The following URM1 variants were observed in gnomAD, a reference collection of about 807,000 sequenced individuals.
URM1 encodes the protein ubiquitin-related modifier 1.
In URM1, 11 loss-of-function variants were observed where a neutral mutation model predicts 17.7. That is an observed-to-expected ratio of 0.62 (90% CI 0.39 to 1.03). The LOEUF is 1.03. URM1 is among the 50% of genes least tolerant of loss of function. URM1 has a pLI of 0.00. For synonymous variants in URM1, 48 were observed against 50.6 expected, an observed-to-expected ratio of 0.95 and a Z score of 0.22; for missense variants, 128 against 129.2, an observed-to-expected ratio of 0.99 and a Z score of 0.04.
At chr9:128,381,071 G>A (rs998600935) in intron 2 of URM1, among the ~76,000 whole-genome samples, 1 of 151,956 alleles carries the variant, frequency 6.6e-6, no homozygotes, top group African/African-American at 2.4e-5. Flanking sequence ...TGATCCGCCC[G>A]CCTCGGCCTC....
chr9:128,389,595 T>C, intron 4 of URM1, 71 bp from the exon 5 acceptor site: 1 of 1,603,364 alleles, frequency 6.2e-7, no homozygotes, highest in Non-Finnish European at 8.5e-7. Context: ...CAGCCCCTGT[T>C]CTCCCAACTC....
At chr9:128,389,353 C>T (rs1405536532) in intron 4 of URM1, 44 bp downstream of exon 4, 2 of 1,613,960 alleles carry the variant, frequency 1.2e-6, no homozygotes, top group South Asian at 2.2e-5. Context: ...CCTGCCCTTG[C>T]TGCTTCAGTG....
chr9:128,386,801 C>T (rs922935527), intron 2 of URM1, among the ~76,000 whole-genome samples: 2 of 152,370 alleles, frequency 1.3e-5, no homozygotes, highest in Middle Eastern at 3.4e-3. Flanking sequence ...TCCAGGACAG[C>T]AGACCCCTCT....
At chr9:128,389,142 C>G in intron 3 of URM1, 119 bp from the exon 4 acceptor site, 2 of 1,489,774 alleles carry the variant, frequency 1.3e-6, no homozygotes, top group Non-Finnish European at 1.8e-6. Flanking sequence ...TTTAGCCAGA[C>G]CCCAGGAGGA....
At chr9:128,371,697 C>T (rs1833014732) in intron 1 of URM1, among the ~76,000 whole-genome samples, 1 of 152,154 alleles carries the variant, frequency 6.6e-6, no homozygotes, top group Non-Finnish European at 1.5e-5. Context: ...TAGCAGGCAG[C>T]CTCTCTCTCT....
chr9:128,374,766 A>G (rs1399313607), intron 1 of URM1, among the ~76,000 whole-genome samples: 3 of 152,334 alleles, frequency 2.0e-5, no homozygotes, highest in Admixed American at 6.5e-5. Context: ...AGGCCTTTTC[A>G]GTTAAGATCC....
intron 4 of URM1, 74 bp from the exon 5 acceptor site, chr9:128,389,590 CCT>C: frequency 6.2e-7 from 1 of 1,600,112 alleles, no homozygotes; most frequent in Admixed American, 1.7e-5. Flanking sequence ...GTCCTCAGCC[CCT>C]GTTCTCCCAA....
intron 1 of URM1, among the ~76,000 whole-genome samples, chr9:128,374,752 G>A (rs1226219021): frequency 1.3e-5 from 2 of 152,218 alleles, no homozygotes; most frequent in Non-Finnish European, 2.9e-5. Flanking sequence ...TCAAAAGTCT[G>A]GTGAGGCCTT....
intron 2 of URM1, among the ~76,000 whole-genome samples, chr9:128,379,081 G>A (rs1833121553): frequency 1.3e-5 from 2 of 152,180 alleles, no homozygotes; most frequent in Admixed American, 1.3e-4. Flanking sequence ...AAGGGCTCAG[G>A]GATGGGATTC....
rs138538207 is a variant in URM1 at position 128,372,627 on chromosome 9, A to G, written c.35+1212A>G. Reference sequence around the variant, plus strand: ...GATATTGTCTGGCTGCTTGGATCCAATTAGAACTGTATTGGTCTGGACTCC... The same window carrying G: ...GATATTGTCTGGCTGCTTGGATCCAGTTAGAACTGTATTGGTCTGGACTCC... On this transcript the variant is annotated intron_variant, in intron 1 of 4. Transcript: ENST00000372853. 7.9e-5 allele frequency among the ~76,000 whole-genome samples: 12 copies of G among 152,270 alleles called. No homozygotes were observed. In the East Asian group the frequency reaches 1.7e-3, roughly 22 times the overall value.
chr9:128,388,457 C>T (rs10987973), intron 3 of URM1: 1 of 985,968 alleles, frequency 1.0e-6, no homozygotes, highest in Non-Finnish European at 1.2e-6. Context: ...CCAGTTGCCA[C>T]GAAGTTACTT....
chr9:128,376,183 G>T (rs1362837510), intron 1 of URM1, among the ~76,000 whole-genome samples: 1 of 151,782 alleles, frequency 6.6e-6, no homozygotes, highest in Non-Finnish European at 1.5e-5. Context: ...GACATAGGGA[G>T]ACCCTGTCTC....
chr9:128,373,701 C>T (rs1833040958), intron 1 of URM1, among the ~76,000 whole-genome samples: 1 of 152,150 alleles, frequency 6.6e-6, no homozygotes, highest in African/African-American at 2.4e-5. Flanking sequence ...ATGGAGTTCT[C>T]TCCGTCCCAC....
chr9:128,371,745 T>C (rs562821272), intron 1 of URM1, among the ~76,000 whole-genome samples: 2 of 152,352 alleles, frequency 1.3e-5, no homozygotes, highest in South Asian at 4.1e-4. Flanking sequence ...CCCATCTGTT[T>C]GGCATCTGAG....
intron 2 of URM1, among the ~76,000 whole-genome samples, chr9:128,380,401 G>A (rs1390090199): frequency 6.6e-6 from 1 of 152,086 alleles, no homozygotes; most frequent in African/African-American, 2.4e-5. Context: ...GGGGTTTCAT[G>A]TCAGGATTGT....
chr9:128,389,545 T>A, intron 4 of URM1, 121 bp from the exon 5 acceptor site: 5 of 1,550,550 alleles, frequency 3.2e-6, no homozygotes, highest in Non-Finnish European at 4.4e-6. Flanking sequence ...GGATACCCAT[T>A]TTTCTGGTAG....
intron 2 of URM1, among the ~76,000 whole-genome samples, chr9:128,382,977 C>G (rs1039658919): frequency 2.0e-5 from 3 of 152,174 alleles, no homozygotes; most frequent in Non-Finnish European, 4.4e-5. Flanking sequence ...CCTTTCCCTG[C>G]CTGTCTTCCC....
At chr9:128,385,239 C>G (rs1833211342) in intron 2 of URM1, among the ~76,000 whole-genome samples, 1 of 152,156 alleles carries the variant, frequency 6.6e-6, no homozygotes, top group Admixed American at 6.5e-5. Context: ...CTCCCCACCC[C>G]ACTCATCCTT....
intron 1 of URM1, among the ~76,000 whole-genome samples, chr9:128,373,922 G>A (rs1161606420): frequency 1.3e-5 from 2 of 152,210 alleles, no homozygotes; most frequent in Non-Finnish European, 2.9e-5. Flanking sequence ...ACGTGTATAT[G>A]TATGTGTATA....
Sources: gnomAD v4.1 joint callset for allele counts (sites outside exome capture counted in the v4.1 genomes callset) on GRCh38, gnomAD v4.1.1 for gene constraint, MANE v1.5 for transcripts, NCBI Gene and HGNC (gene_info 2026-07-23, HGNC 2026-07-21) for gene names.